The following PRKCE variants were observed in gnomAD, a reference collection of about 807,000 sequenced individuals.
PRKCE encodes the protein protein kinase C epsilon, also known as protein kinase C epsilon type.
A neutral mutation model predicts 85.4 loss-of-function variants in PRKCE; 16 were observed. The observed-to-expected ratio is 0.19, with a 90% CI of 0.13 to 0.28. PRKCE has a LOEUF of 0.28. Ranked by LOEUF, PRKCE falls within the 10% of genes least tolerant of loss-of-function variation. The pLI is 1.00. For missense variants in PRKCE, 573 were observed against 975.2 expected (o/e 0.59, Z 5.49); for synonymous variants, 388 against 371.5 (o/e 1.04, Z -0.51).
intron 1 of PRKCE, among the ~76,000 whole-genome samples, chr2:45,796,900 G>A (rs1052566584): frequency 3.9e-5 from 6 of 152,126 alleles, no homozygotes; most frequent in African/African-American, 1.2e-4. Flanking sequence ...GTATAGGCAC[G>A]AACCACCATG....
rs1400484760 is a variant in PRKCE, at chr2:45,774,005, G to A, written c.349-68995G>A. Among the ~76,000 whole-genome samples, 1 of 152,200 alleles carries A rather than the reference G, an allele frequency of 6.6e-6. No individual in the cohort carries two copies. Among genetic ancestry groups the A allele is most frequent in the Non-Finnish European group, 1.5e-5 (1 of 68,028 alleles). Reference sequence around the variant, plus strand: ...TGTCATCCCGTGGCTGCTGCTGTCTGCCACATCAGGTTAGAAGTAGAAATT... The same window carrying A: ...TGTCATCCCGTGGCTGCTGCTGTCTACCACATCAGGTTAGAAGTAGAAATT... On this transcript the variant is annotated intron_variant, in intron 1 of 14. Transcript: ENST00000306156. This position sits in a 1 kb window ranked among gnomAD's most constrained non-coding sequence, Gnocchi z 4.3.
At position 46,184,862 on chromosome 2, in the gene PRKCE, G is replaced by A. The variant is rs749092183; in HGVS notation, c.2195G>A (p.Gly732Asp). The A allele has an allele frequency of 1.9e-6, 3 of 1,599,792 alleles. No individual in the cohort carries two copies. Among genetic ancestry groups the A allele is most frequent in the Admixed American group, 1.7e-5 (1 of 60,028 alleles). ...GAATTCAAAGGTTTCTCCTACTTTG[G>A]TGAAGACCTGATGCCCTGAGAGCCC... is the stretch of plus-strand genomic sequence containing the variant. ...QEEFKGFSYF[G>D]EDLMP The change falls in exon 15 of 15, where the codon GGT becomes GAT. Residue 732 changes from glycine to aspartate, a missense_variant. This residue lies in a region of PRKCE where 45 missense variants were observed against 39.1 expected (regional missense o/e 1.15). Transcript: ENST00000306156. The surrounding 1 kb of genome is among the most constrained non-coding windows in gnomAD (Gnocchi z 5.0).
At chr2:46,106,113 A>C (rs1171566038) in intron 11 of PRKCE, among the ~76,000 whole-genome samples, 1 of 152,220 alleles carries the variant, frequency 6.6e-6, no homozygotes, top group Non-Finnish European at 1.5e-5. Flanking sequence ...ATAAATCTGC[A>C]AACATTTTTC....
intron 13 of PRKCE, among the ~76,000 whole-genome samples, chr2:46,156,269 C>T (rs931384514): frequency 3.3e-5 from 5 of 152,198 alleles, no homozygotes; most frequent in Non-Finnish European, 7.4e-5. Flanking sequence ...TGCCTAGGTA[C>T]ATTCCTCCTT....
intron 1 of PRKCE, among the ~76,000 whole-genome samples, chr2:45,704,435 C>G (rs17034033): frequency 0.021 from 3,166 of 152,248 alleles, 102 homozygotes; most frequent in African/African-American, 0.073. Flanking sequence ...TTGTTAGCTA[C>G]TCCAGGTAAA....
At chr2:45,738,544 A>G (rs1001934131) in intron 1 of PRKCE, among the ~76,000 whole-genome samples, 1 of 152,014 alleles carries the variant, frequency 6.6e-6, no homozygotes, top group African/African-American at 2.4e-5. Flanking sequence ...TTTCTTTTGG[A>G]TTGCCTTTAT....
intron 2 of PRKCE, among the ~76,000 whole-genome samples, chr2:45,968,549 G>T (rs1180874597): frequency 1.3e-5 from 2 of 152,254 alleles, no homozygotes; most frequent in Admixed American, 1.3e-4. Flanking sequence ...CAGGTGACAG[G>T]TACACTAAAA....
chr2:45,720,717 C>G (rs1415227449), intron 1 of PRKCE, among the ~76,000 whole-genome samples: 1 of 152,174 alleles, frequency 6.6e-6, no homozygotes, highest in African/African-American at 2.4e-5. Context: ...TCATTTCTGC[C>G]TGTCATGGCT....
chr2:45,840,009 T>C (rs115940673), intron 1 of PRKCE, among the ~76,000 whole-genome samples: 69 of 152,364 alleles, frequency 4.5e-4, no homozygotes, highest in African/African-American at 1.6e-3. Flanking sequence ...ATAAATGACC[T>C]GTCCTCCCTG....
At chr2:45,934,291 G>GA (rs898459172) in intron 2 of PRKCE, among the ~76,000 whole-genome samples, 2 of 152,016 alleles carry the variant, frequency 1.3e-5, no homozygotes, top group East Asian at 1.9e-4. Context: ...AGATGAGTGT[G>GA]AAAAAAAGTT....
intron 1 of PRKCE, among the ~76,000 whole-genome samples, chr2:45,705,955 A>G (rs560375308): frequency 6.6e-6 from 1 of 152,098 alleles, no homozygotes; most frequent in Non-Finnish European, 1.5e-5. Flanking sequence ...TTTAAGTTAG[A>G]TATCTGCTTC....
At chr2:45,869,079 GTTT>G (rs1693868260) in intron 2 of PRKCE, among the ~76,000 whole-genome samples, 1 of 152,154 alleles carries the variant, frequency 6.6e-6, no homozygotes, top group Non-Finnish European at 1.5e-5. Context: ...TGGTGCATGG[GTTT>G]TCTTGACTTT....
At chr2:46,090,961 T>A (rs978881860) in intron 11 of PRKCE, among the ~76,000 whole-genome samples, 4 of 152,228 alleles carry the variant, frequency 2.6e-5, no homozygotes, top group African/African-American at 9.6e-5. Flanking sequence ...TTGGAATTGA[T>A]ATACAAACTA....
chr2:45,764,727 T>G (rs1328528885), intron 1 of PRKCE, among the ~76,000 whole-genome samples: 1 of 152,198 alleles, frequency 6.6e-6, no homozygotes, highest in Non-Finnish European at 1.5e-5. Flanking sequence ...AATTATTACT[T>G]CCATGCCAGA....
chr2:46,181,494 C>G (rs1259942401), intron 14 of PRKCE, among the ~76,000 whole-genome samples: 1 of 152,200 alleles, frequency 6.6e-6, no homozygotes, highest in East Asian at 1.9e-4. Flanking sequence ...CAGAGCTGAG[C>G]TAAATGGCTC....
chr2:46,081,022 C>T (rs528306411), intron 10 of PRKCE, among the ~76,000 whole-genome samples: 2 of 151,034 alleles, frequency 1.3e-5, no homozygotes, highest in South Asian at 2.1e-4. Flanking sequence ...GGCAGGGTTT[C>T]ACCGTGTTGC....
chr2:45,730,526 C>G (rs568837863), intron 1 of PRKCE, among the ~76,000 whole-genome samples: 32 of 150,552 alleles, frequency 2.1e-4, no homozygotes, highest in African/African-American at 7.8e-4. Flanking sequence ...GTGGCACAAT[C>G]TCGGCTCACT....
intron 10 of PRKCE, among the ~76,000 whole-genome samples, chr2:46,037,459 C>T (rs187725992): frequency 2.1e-4 from 32 of 152,310 alleles, no homozygotes; most frequent in Middle Eastern, 3.4e-3. Context: ...CTGCTAATGC[C>T]ATTTGGTTTA....
At chr2:45,721,044 T>A (rs1243255149) in intron 1 of PRKCE, among the ~76,000 whole-genome samples, 1 of 151,950 alleles carries the variant, frequency 6.6e-6, no homozygotes, top group African/African-American at 2.4e-5. Context: ...GAGGCAGAGG[T>A]TGCAGTGAGC....
Sources: allele counts gnomAD v4.1 joint callset (sites outside exome capture counted in the v4.1 genomes callset), GRCh38; gene constraint gnomAD v4.1.1; regional missense constraint gnomAD v4.1.1; non-coding constraint Gnocchi (gnomAD v3.1); transcripts MANE v1.5; gene names NCBI Gene and HGNC (gene_info 2026-07-23, HGNC 2026-07-21).